The following NUP88 variants were observed in gnomAD, a reference collection of about 807,000 sequenced individuals.
NUP88 encodes the protein nuclear pore complex protein Nup88.
NUP88 carries 57 observed loss-of-function variants against 93.9 expected under a neutral mutation model. The ratio of observed to expected loss-of-function variants is 0.61; its 90% CI spans 0.49 to 0.76. The LOEUF is 0.76. NUP88 is among the 30% of genes least tolerant of loss of function. NUP88 has a pLI of 0.00. For synonymous variants in NUP88, 346 were observed against 336.8 expected, an observed-to-expected ratio of 1.03 and a Z score of -0.30; for missense variants, 911 against 901.0, an observed-to-expected ratio of 1.01 and a Z score of -0.14.
At chr17:5,408,027 A>G (rs2151644243) in intron 5 of NUP88, among the ~76,000 whole-genome samples, 1 of 152,194 alleles carries the variant, frequency 6.6e-6, no homozygotes, top group South Asian at 2.1e-4. Context: ...TCTTTTAACG[A>G]GGTATTTTTA....
rs1345124780 is a variant in NUP88 at position 5,406,597 on chromosome 17, C to CAGACAGATGGTGAAGT, written c.858-1355_858-1354insACTTCACCATCTGTCT. On this transcript the variant is annotated intron_variant, in intron 5 of 16. Transcript: ENST00000573584. ...GGGGAAACTATTTAAGAAAATAAGCCAGGCAGATGGTGAAGTAGGCAGATG... is the reference window on the plus strand; with the variant it reads ...GGGGAAACTATTTAAGAAAATAAGCCAGACAGATGGTGAAGTAGGCAGATGGTGAAGTAGGCAGATG... 6.2e-3 allele frequency among the ~76,000 whole-genome samples: 502 copies of CAGACAGATGGTGAAGT among 81,308 alleles called. 8 individuals carry two copies. The highest frequency in any genetic ancestry group is 0.049 in the Admixed American group (449 of 9,088). The allele number at this position is 81,308 out of a possible 152,430, so 53.3% of individuals were successfully genotyped here.
In NUP88 at chr17:5,384,918, A is replaced by G. The variant is rs1370411463; in HGVS notation, c.*1288T>C. ...AGACTAGTCCCTTGGATAAGCCCCA[A>G]GCGAATTTGTCTTCAGATTATTAAA... On this transcript the variant is annotated 3_prime_UTR_variant, in exon 17 of 17. Transcript: ENST00000573584. 3 of 224,540 alleles carry G rather than the reference A, an allele frequency of 1.3e-5. No homozygotes were observed. The highest frequency in any genetic ancestry group is 5.7e-5 in the Admixed American group (1 of 17,500). The allele number at this position is 224,540 out of a possible 1,614,324, so 13.9% of individuals were successfully genotyped here.
At chr17:5,390,159 G>A (rs1912319915) in intron 10 of NUP88, among the ~76,000 whole-genome samples, 1 of 108,562 alleles carries the variant, frequency 9.2e-6, no homozygotes, top group African/African-American at 3.8e-5. Flanking sequence ...AGCAAACTCC[G>A]TCTCAAAAAA....
chr17:5,396,743 A>G (rs1321500314), intron 8 of NUP88, among the ~76,000 whole-genome samples: 3 of 152,226 alleles, frequency 2.0e-5, no homozygotes, highest in African/African-American at 2.4e-5. Context: ...TTACATTTCT[A>G]TAAGCACTGT....
chr17:5,416,188 T>TACACACACATACACACAC (rs1914138861), intron 2 of NUP88, among the ~76,000 whole-genome samples: 87 of 126,204 alleles, frequency 6.9e-4, no homozygotes, highest in African/African-American at 2.4e-3. Flanking sequence ...TATACACACA[T>TACACACACATACACACAC]ACACACACAC....
At chr17:5,394,776 CT>C (rs1485980823) in intron 9 of NUP88, 114 bp downstream of exon 9, 6 of 731,610 alleles carry the variant, frequency 8.2e-6, no homozygotes, top group Non-Finnish European at 1.2e-5. Flanking sequence ...ACGTCTGCAA[CT>C]TTCAAATGAC....
At chr17:5,399,325 T>TTTATAATC (rs1913002573) in intron 8 of NUP88, among the ~76,000 whole-genome samples, 1 of 150,978 alleles carries the variant, frequency 6.6e-6, no homozygotes, top group African/African-American at 2.4e-5. Context: ...ATAATATTCC[T>TTTATAATC]TTATAATCTT....
intron 6 of NUP88, among the ~76,000 whole-genome samples, chr17:5,404,700 T>A (rs1913390323): frequency 6.6e-6 from 1 of 152,192 alleles, no homozygotes; most frequent in South Asian, 2.1e-4. Flanking sequence ...TCCACCTCTA[T>A]CCTAACAGTG....
At chr17:5,409,755 G>C (rs963720235) in intron 4 of NUP88, among the ~76,000 whole-genome samples, 2 of 152,204 alleles carry the variant, frequency 1.3e-5, no homozygotes, top group Non-Finnish European at 2.9e-5. Context: ...ATAAAGTAGG[G>C]TAAGAGGGTA....
At chr17:5,387,548 G>T in intron 13 of NUP88, 57 bp downstream of exon 13, 1 of 1,593,818 alleles carries the variant, frequency 6.3e-7, no homozygotes, top group Non-Finnish European at 8.6e-7. Flanking sequence ...ATCTTAGGGT[G>T]AGAATATGGT....
intron 5 of NUP88, among the ~76,000 whole-genome samples, chr17:5,408,161 T>C (rs954169891): frequency 6.6e-6 from 1 of 152,232 alleles, no homozygotes; most frequent in East Asian, 1.9e-4. Context: ...CACTTGCTTA[T>C]TTTCAGACGC....
intron 1 of NUP88, among the ~76,000 whole-genome samples, chr17:5,418,622 C>A (rs1452880583): frequency 3.3e-5 from 5 of 152,160 alleles, no homozygotes; most frequent in Non-Finnish European, 7.4e-5. Flanking sequence ...TTCAAAACTG[C>A]AGAAGCATTG....
At position 5,397,816 on chromosome 17, in the gene NUP88, G is replaced by T. The variant is rs1325349784; in HGVS notation, c.1291+1736C>A. ...GAAGTTCCTTTCTATTAAGTTTGTT[G>T]AGTATTTTTAACATGAAAGGCTGCT... is the stretch of plus-strand genomic sequence containing the variant. On this transcript the variant is annotated intron_variant, in intron 8 of 16. Coordinates refer to ENST00000573584, the MANE Select transcript of NUP88 (RefSeq NM_002532.6). Among the ~76,000 whole-genome samples the T allele has an allele frequency of 4.1e-5, 6 of 148,126 alleles. No homozygotes were observed. The Admixed American group carries it at 4.1e-4, about 10-fold the overall frequency.
chr17:5,388,754 G>GACAGAAGAGA (rs1912216235), intron 11 of NUP88, 48 bp downstream of exon 11: 1 of 1,532,460 alleles, frequency 6.5e-7, no homozygotes, highest in East Asian at 2.3e-5. Flanking sequence ...TAATTCTGAA[G>GACAGAAGAGA]ACAGAAGAGA....
chr17:5,406,763 T>TA (rs899133316), intron 5 of NUP88, among the ~76,000 whole-genome samples: 4 of 119,764 alleles, frequency 3.3e-5, no homozygotes, highest in Non-Finnish European at 5.2e-5. Context: ...TGATGAGCTT[T>TA]AAAAAAAAAA....
rs1567561564 is a variant in NUP88 at position 5,385,497 on chromosome 17, C to G, written c.*709G>C. ...TAGTACCTTTCAGAACTCACATTGG[C>G]AAGTGTAAAAAGATGACTTAAGGTG... is the stretch of plus-strand genomic sequence containing the variant. On this transcript the variant is annotated 3_prime_UTR_variant, in exon 17 of 17. Coordinates refer to ENST00000573584, the MANE Select transcript of NUP88 (RefSeq NM_002532.6). The G allele has an allele frequency of 1.3e-5, 3 of 230,422 alleles. No homozygotes were observed. Among genetic ancestry groups the G allele is most frequent in the Admixed American group, 5.7e-5 (1 of 17,694 alleles). The allele number at this position is 230,422 out of a possible 1,614,324, so 14.3% of individuals were successfully genotyped here.
intron 7 of NUP88, among the ~76,000 whole-genome samples, chr17:5,401,964 A>G (rs1190988067): frequency 6.6e-6 from 1 of 152,244 alleles, no homozygotes; most frequent in East Asian, 1.9e-4. Context: ...GTTCAGCACA[A>G]TTAGGAACAA....
intron 13 of NUP88, 41 bp downstream of exon 13, chr17:5,387,564 T>C (rs1435487267): frequency 5.0e-6 from 8 of 1,599,152 alleles, no homozygotes; most frequent in Non-Finnish European, 6.0e-6. Flanking sequence ...ATGGTTCCAG[T>C]CTTACTGACC....
At chr17:5,386,313 C>A (rs1254983512) in intron 16 of NUP88, 44 bp from the exon 17 acceptor site, 5 of 1,386,274 alleles carry the variant, frequency 3.6e-6, no homozygotes, top group Non-Finnish European at 5.0e-6. Context: ...TATAATAAAC[C>A]ATTTATATGG....
Sources: allele counts gnomAD v4.1 joint callset (sites outside exome capture counted in the v4.1 genomes callset), GRCh38; gene constraint gnomAD v4.1.1; transcripts MANE v1.5; gene names NCBI Gene and HGNC (gene_info 2026-07-23, HGNC 2026-07-21).